The following MACROD2 variants were observed in gnomAD, a reference collection of about 807,000 sequenced individuals.
MACROD2 encodes ADP-ribose glycohydrolase MACROD2.
Under a neutral mutation model 70.4 loss-of-function variants are expected in MACROD2, and 36 were observed. The observed-to-expected ratio is 0.51, with a 90% CI of 0.39 to 0.68. The LOEUF (loss-of-function observed/expected upper bound fraction) is 0.68. Among genes scored for constraint, MACROD2 ranks in the 30% least tolerant of loss-of-function variants. The probability of loss-of-function intolerance (pLI) is 0.00; values close to 1 mark genes in which losing one functional copy is unlikely to be tolerated. For missense variants in MACROD2, 496 were observed against 538.4 expected, an observed-to-expected ratio of 0.92 and a Z score of 0.78; for synonymous variants, 172 against 178.8, an observed-to-expected ratio of 0.96 and a Z score of 0.30.
At chr20:14,791,965 T>A (rs1038731831) in intron 5 of MACROD2, among the ~76,000 whole-genome samples, 1 of 150,450 alleles carries the variant, frequency 6.6e-6, no homozygotes, top group African/African-American at 2.5e-5. Context: ...TTTTACAAAA[T>A]CTTTTTATAT....
intron 15 of MACROD2, among the ~76,000 whole-genome samples, chr20:15,994,143 C>T (rs2147487071): frequency 6.6e-6 from 1 of 152,210 alleles, no homozygotes. Flanking sequence ...TGATAAAATA[C>T]TAGGGTAGTA....
Position 14,020,504 on chromosome 20 carries a change from A to G in MACROD2, c.163+18100A>G, listed in dbSNP as rs141817427. The stretch of plus-strand genomic sequence containing the variant: ...AAATAAAATTAAATTTAAAAAGTCC[A>G]TAAGTCCATTGTCTGGGCTTGTTTG... On this transcript the variant is annotated intron_variant, in intron 2 of 17. Coordinates refer to ENST00000684519, the MANE Select transcript of MACROD2 (RefSeq NM_001351661.2). Among the ~76,000 whole-genome samples the G allele has an allele frequency of 1.2e-4, 18 of 152,272 alleles. No individual in the cohort carries two copies. In the East Asian group the frequency reaches 2.9e-3, roughly 24 times the overall value.
intron 5 of MACROD2, among the ~76,000 whole-genome samples, chr20:14,833,840 A>G (rs1201159039): frequency 2.0e-5 from 3 of 152,110 alleles, no homozygotes; most frequent in Non-Finnish European, 4.4e-5. Context: ...TTTGTTACTA[A>G]TGATGCCATA....
At chr20:14,440,658 G>T (rs546613403) in intron 3 of MACROD2, among the ~76,000 whole-genome samples, 31 of 152,258 alleles carry the variant, frequency 2.0e-4, no homozygotes, top group Non-Finnish European at 3.1e-4. Context: ...AGTATTTCAC[G>T]CTTGTGCTAC....
chr20:15,460,997 TATATA>T (rs1242433495), intron 7 of MACROD2, among the ~76,000 whole-genome samples: 1,745 of 85,110 alleles, frequency 0.021, 109 homozygotes, highest in African/African-American at 0.061. Context: ...TATATATATA[TATATA>T]TATATTTTTT....
chr20:14,048,487 G>A, intron 2 of MACROD2, among the ~76,000 whole-genome samples: 1 of 151,988 alleles, frequency 6.6e-6, no homozygotes, highest in Non-Finnish European at 1.5e-5. Context: ...CAATTTCTAT[G>A]TTTATTAAAA....
At chr20:15,005,370 T>G (rs1600936813) in intron 5 of MACROD2, among the ~76,000 whole-genome samples, 1 of 152,322 alleles carries the variant, frequency 6.6e-6, no homozygotes, top group East Asian at 1.9e-4. Context: ...AACTTCCAAG[T>G]GTCCTCTGTA....
chr20:15,177,956 T>G (rs2076474379), intron 5 of MACROD2, among the ~76,000 whole-genome samples: 3 of 151,940 alleles, frequency 2.0e-5, no homozygotes, highest in Non-Finnish European at 1.5e-5. Flanking sequence ...TTTTTTTTTC[T>G]TTCTCTGTAG....
intron 5 of MACROD2, among the ~76,000 whole-genome samples, chr20:14,896,360 G>A (rs1263537799): frequency 6.6e-6 from 1 of 152,034 alleles, no homozygotes; most frequent in Non-Finnish European, 1.5e-5. Context: ...TATCTTAAAG[G>A]AGGTATTTGT....
intron 8 of MACROD2, among the ~76,000 whole-genome samples, chr20:15,664,735 A>G (rs1215272580): frequency 6.6e-6 from 1 of 152,140 alleles, no homozygotes; most frequent in African/African-American, 2.4e-5. Flanking sequence ...CAGAAGTACA[A>G]GAGACACGCA....
At chr20:14,728,680 T>C (rs1371897371) in intron 5 of MACROD2, among the ~76,000 whole-genome samples, 2 of 152,194 alleles carry the variant, frequency 1.3e-5, no homozygotes, top group East Asian at 3.8e-4. Flanking sequence ...AGTTTATTTA[T>C]TTAAAAAAAT....
chr20:14,496,487 A>C (rs939639335), intron 4 of MACROD2, among the ~76,000 whole-genome samples: 2 of 152,164 alleles, frequency 1.3e-5, no homozygotes, highest in African/African-American at 4.8e-5. Context: ...CCCCTGAAAG[A>C]CTTAAAAAAT....
chr20:15,569,932 G>T (rs911056731), intron 8 of MACROD2, among the ~76,000 whole-genome samples: 1 of 152,120 alleles, frequency 6.6e-6, no homozygotes, highest in African/African-American at 2.4e-5. Context: ...TATAGTGAAT[G>T]ATACTGCAAT....
At chr20:15,859,521 G>C (rs1019168973) in intron 8 of MACROD2, among the ~76,000 whole-genome samples, 4 of 152,136 alleles carry the variant, frequency 2.6e-5, no homozygotes, top group African/African-American at 9.7e-5. Context: ...TCATAAACAC[G>C]GAGCTTGTCA....
intron 3 of MACROD2, among the ~76,000 whole-genome samples, chr20:14,322,019 T>C (rs1218422912): frequency 6.6e-6 from 1 of 150,974 alleles, no homozygotes; most frequent in Non-Finnish European, 1.5e-5. Flanking sequence ...TTATATGCTA[T>C]ATATTCAGAA....
intron 8 of MACROD2, among the ~76,000 whole-genome samples, chr20:15,794,705 G>C (rs1328749753): frequency 6.6e-6 from 1 of 152,186 alleles, no homozygotes; most frequent in Non-Finnish European, 1.5e-5. Context: ...CAAATTGATT[G>C]CAAGTGGAGG....
chr20:14,661,348 C>G (rs2051684469), intron 4 of MACROD2, among the ~76,000 whole-genome samples: 1 of 151,964 alleles, frequency 6.6e-6, no homozygotes, highest in Non-Finnish European at 1.5e-5. Flanking sequence ...TTATATGTCT[C>G]CTTTTCAGAA....
chr20:14,746,850 G>A (rs1482491192), intron 5 of MACROD2, among the ~76,000 whole-genome samples: 2 of 152,016 alleles, frequency 1.3e-5, no homozygotes, highest in African/African-American at 4.8e-5. Context: ...TCATCTTTCT[G>A]CTTTTGGGTT....
At chr20:14,518,011 A>C (rs2085122167) in intron 4 of MACROD2, among the ~76,000 whole-genome samples, 1 of 152,022 alleles carries the variant, frequency 6.6e-6, no homozygotes, top group Admixed American at 6.6e-5. Context: ...TCATTAATTG[A>C]ATTTTAAAAT....
Sources: gnomAD v4.1 joint callset for allele counts (sites outside exome capture counted in the v4.1 genomes callset) on GRCh38, gnomAD v4.1.1 for gene constraint, MANE v1.5 for transcripts, NCBI Gene and HGNC (gene_info 2026-07-23, HGNC 2026-07-21) for gene names.